Variants in ABTB2 observed in about 807,000 individuals in gnomAD.
The protein encoded by ABTB2 is ankyrin repeat and BTB domain containing 2, also known as ankyrin repeat and BTB/POZ domain-containing protein 2.
Under a neutral mutation model 104.1 loss-of-function variants are expected in ABTB2, and 56 were observed. The observed-to-expected ratio is 0.54, with a 90% CI of 0.43 to 0.67. The LOEUF (loss-of-function observed/expected upper bound fraction) is 0.67, where lower values mean the gene tolerates loss of function less well. Ranked by LOEUF, ABTB2 falls within the 30% of genes least tolerant of loss-of-function variation. The pLI is 0.00. For missense variants in ABTB2, 1,279 were observed against 1,407.7 expected (o/e 0.91, Z 1.46); for synonymous variants, 606 against 608.2 (o/e 1.00, Z 0.05).
In ABTB2 at chr11:34,221,077, C is replaced by T. The variant is rs370139355; in HGVS notation, c.884-16387G>A. ...CTCCACCTCCCGGGTTCATGCAATT[C>T]GTCTGCCTCAGCCTCCAGAGTAGCT... On this transcript the variant is annotated intron_variant, in intron 1 of 16. Transcript: ENST00000435224. Among the ~76,000 whole-genome samples the T allele has an allele frequency of 8.5e-5, 13 of 152,070 alleles. No homozygotes were observed. The East Asian group carries it at 1.9e-3, about 23-fold the overall frequency.
chr11:34,160,465 A>G (rs1852695586), intron 11 of ABTB2, 112 bp from the exon 12 acceptor site: 5 of 734,222 alleles, frequency 6.8e-6, no homozygotes, highest in Admixed American at 2.2e-5. Flanking sequence ...TGCAGCCGCT[A>G]TCTTTTGTTC....
intron 1 of ABTB2, chr11:34,335,904 C>G (rs186036114): frequency 1.3e-6 from 1 of 761,638 alleles, no homozygotes; most frequent in East Asian, 2.5e-5. Flanking sequence ...GACAATCCTG[C>G]GGTTGAAAAG....
intron 1 of ABTB2, among the ~76,000 whole-genome samples, chr11:34,237,213 T>C (rs555494602): frequency 2.0e-4 from 31 of 151,898 alleles, no homozygotes; most frequent in Non-Finnish European, 4.1e-4. Context: ...CATTCCATAC[T>C]GGGGGCTTTC....
At chr11:34,200,818 G>A (rs547321528) in intron 2 of ABTB2, among the ~76,000 whole-genome samples, 4 of 152,208 alleles carry the variant, frequency 2.6e-5, no homozygotes, top group East Asian at 3.9e-4. Flanking sequence ...CTTCCCAAAC[G>A]CATGCTCTTG....
chr11:34,349,461 C>A (rs949932377), intron 1 of ABTB2, among the ~76,000 whole-genome samples: 2 of 152,186 alleles, frequency 1.3e-5, no homozygotes, highest in Admixed American at 1.3e-4. Flanking sequence ...GAAAGCCTTG[C>A]GAGTAATACC....
intron 1 of ABTB2, among the ~76,000 whole-genome samples, chr11:34,325,220 C>T (rs1215085500): frequency 6.6e-6 from 1 of 152,082 alleles, no homozygotes; most frequent in Middle Eastern, 3.2e-3. Context: ...GGAAAAATAA[C>T]TAGTTTGGGA....
intron 1 of ABTB2, among the ~76,000 whole-genome samples, chr11:34,329,614 C>A (rs1327598520): frequency 6.6e-6 from 1 of 152,224 alleles, no homozygotes; most frequent in Admixed American, 6.5e-5. Flanking sequence ...TCACAAGAAG[C>A]CAACTGGTCC....
intron 1 of ABTB2, among the ~76,000 whole-genome samples, chr11:34,349,178 GAT>G (rs1208450592): frequency 6.6e-6 from 1 of 152,190 alleles, no homozygotes; most frequent in Non-Finnish European, 1.5e-5. Flanking sequence ...CACCTGCTAT[GAT>G]CTGTGGCTGA....
At chr11:34,272,740 C>T (rs1364651488) in intron 1 of ABTB2, among the ~76,000 whole-genome samples, 1 of 118,368 alleles carries the variant, frequency 8.4e-6, no homozygotes, top group Non-Finnish European at 1.7e-5. Context: ...AACCAACCAA[C>T]CATACACACT....
At chr11:34,321,976 T>C (rs1278363331) in intron 1 of ABTB2, among the ~76,000 whole-genome samples, 1 of 152,126 alleles carries the variant, frequency 6.6e-6, no homozygotes, top group African/African-American at 2.4e-5. Flanking sequence ...CCCCCATTGC[T>C]TCTGACACCG....
chr11:34,264,302 T>G (rs1693567116), intron 1 of ABTB2, among the ~76,000 whole-genome samples: 2 of 152,196 alleles, frequency 1.3e-5, no homozygotes, highest in African/African-American at 4.8e-5. Context: ...ATTCACACCA[T>G]CCCTAGGATT....
intron 11 of ABTB2, among the ~76,000 whole-genome samples, chr11:34,160,668 C>CGT (rs756259233): frequency 1.3e-5 from 1 of 77,716 alleles, no homozygotes; most frequent in African/African-American, 5.4e-5. Context: ...CACGCGCGCG[C>CGT]GTGTGTGTGT....
chr11:34,346,065 T>TGGAGCTCCA (rs947818294), intron 1 of ABTB2, among the ~76,000 whole-genome samples: 2 of 152,146 alleles, frequency 1.3e-5, no homozygotes, highest in Non-Finnish European at 2.9e-5. Context: ...CCTCGGAGCA[T>TGGAGCTCCA]GGAGCTCCAT....
chr11:34,299,388 C>T (rs1043536948), intron 1 of ABTB2, among the ~76,000 whole-genome samples: 4 of 152,152 alleles, frequency 2.6e-5, no homozygotes, highest in Non-Finnish European at 5.9e-5. Flanking sequence ...GCAAGACGTT[C>T]CTCTGATGTT....
At chr11:34,229,351 G>C (rs568070783) in intron 1 of ABTB2, among the ~76,000 whole-genome samples, 1 of 151,330 alleles carries the variant, frequency 6.6e-6, no homozygotes, top group East Asian at 1.9e-4. Flanking sequence ...TGTGGTGGCG[G>C]GCGCCTGTAG....
chr11:34,349,506 C>A (rs1590266694), intron 1 of ABTB2, among the ~76,000 whole-genome samples: 1 of 152,328 alleles, frequency 6.6e-6, no homozygotes, highest in African/African-American at 2.4e-5. Context: ...ACCCTCCTTG[C>A]ACCAGAGACT....
At chr11:34,353,673 G>A (rs1262916237) in intron 1 of ABTB2, among the ~76,000 whole-genome samples, 1 of 152,230 alleles carries the variant, frequency 6.6e-6, no homozygotes, top group Non-Finnish European at 1.5e-5. Flanking sequence ...TGCATTCTGA[G>A]TAATGGACAG....
chr11:34,264,790 C>G (rs186255224), intron 1 of ABTB2, among the ~76,000 whole-genome samples: 60 of 152,300 alleles, frequency 3.9e-4, no homozygotes, highest in Non-Finnish European at 7.6e-4. Flanking sequence ...TCTGCTGGCC[C>G]GAGCCTGTAA....
chr11:34,287,557 C>A (rs1428936952), intron 1 of ABTB2, among the ~76,000 whole-genome samples: 1 of 152,158 alleles, frequency 6.6e-6, no homozygotes, highest in African/African-American at 2.4e-5. Flanking sequence ...ATAAACAGAT[C>A]TCCTCTTTAT....
Sources: allele counts gnomAD v4.1 joint callset (sites outside exome capture counted in the v4.1 genomes callset), GRCh38; gene constraint gnomAD v4.1.1; transcripts MANE v1.5; gene names NCBI Gene and HGNC (gene_info 2026-07-23, HGNC 2026-07-21).